PDZRN4: variants seen among roughly 807,000 people sequenced by gnomAD.
PDZRN4 encodes the protein PDZ domain containing ring finger 4, also known as PDZ domain-containing RING finger protein 4.
A neutral mutation model predicts 99.0 loss-of-function variants in PDZRN4; 70 were observed. That is an observed-to-expected ratio of 0.71 (90% CI 0.58 to 0.86). The LOEUF is 0.86. Among genes scored for constraint, PDZRN4 ranks in the 40% least tolerant of loss-of-function variants. The probability of loss-of-function intolerance (pLI) is 0.00; values close to 1 mark genes in which losing one functional copy is unlikely to be tolerated. For missense variants in PDZRN4, 1,474 were observed against 1,331.2 expected (o/e 1.11, Z -1.67); for synonymous variants, 551 against 501.6 (o/e 1.10, Z -1.32).
At chr12:41,262,339 T>G (rs1452541196) in intron 3 of PDZRN4, among the ~76,000 whole-genome samples, 1 of 152,188 alleles carries the variant, frequency 6.6e-6, no homozygotes, top group South Asian at 2.1e-4. Flanking sequence ...TTGTCTGATG[T>G]GTTATCATAC....
chr12:41,351,777 G>A (rs1217296783), intron 3 of PDZRN4, among the ~76,000 whole-genome samples: 1 of 151,982 alleles, frequency 6.6e-6, no homozygotes, highest in Non-Finnish European at 1.5e-5. Flanking sequence ...AAGAGAATAA[G>A]GCTAAGGACA....
intron 6 of PDZRN4, among the ~76,000 whole-genome samples, chr12:41,555,241 A>AAAAAAAAAAGAAAAG (rs1939135516): frequency 8.3e-6 from 1 of 119,978 alleles, no homozygotes; most frequent in Non-Finnish European, 1.6e-5. Flanking sequence ...AAAAAAAAAA[A>AAAAAAAAAAGAAAAG]AAAAAAAAGA....
chr12:41,508,139 A>G (rs917718759), intron 4 of PDZRN4, among the ~76,000 whole-genome samples: 2 of 152,076 alleles, frequency 1.3e-5, no homozygotes, highest in Non-Finnish European at 2.9e-5. Context: ...TCAACATTCT[A>G]TGTCTAAGAT....
intron 2 of PDZRN4, among the ~76,000 whole-genome samples, chr12:41,193,762 A>C (rs1950751903): frequency 6.6e-6 from 1 of 152,156 alleles, no homozygotes; most frequent in South Asian, 2.1e-4. Flanking sequence ...CTCTCTTTAG[A>C]AGTGAGATGT....
chr12:41,189,222 A>C (rs1950719450), intron 1 of PDZRN4, 119 bp downstream of exon 1: 1 of 873,080 alleles, frequency 1.1e-6, no homozygotes. Flanking sequence ...ATGCAGCAGG[A>C]AACATCCACA....
chr12:41,382,197 T>C (rs909978579), intron 3 of PDZRN4, among the ~76,000 whole-genome samples: 2 of 152,186 alleles, frequency 1.3e-5, no homozygotes, highest in Non-Finnish European at 1.5e-5. Flanking sequence ...GGCCCCAGGA[T>C]GTGCTCCCCA....
chr12:41,190,959 A>C (rs1950732140), intron 1 of PDZRN4, among the ~76,000 whole-genome samples: 1 of 152,236 alleles, frequency 6.6e-6, no homozygotes, highest in African/African-American at 2.4e-5. Context: ...ACAGTAGCCT[A>C]ACAGATCCTG....
At chr12:41,353,206 C>G (rs569671157) in intron 3 of PDZRN4, among the ~76,000 whole-genome samples, 1 of 152,144 alleles carries the variant, frequency 6.6e-6, no homozygotes, top group South Asian at 2.1e-4. Context: ...CTTGCAATGA[C>G]TGAATGCACC....
At chr12:41,365,370 T>C (rs1377286175) in intron 3 of PDZRN4, among the ~76,000 whole-genome samples, 1 of 151,968 alleles carries the variant, frequency 6.6e-6, no homozygotes, top group South Asian at 2.1e-4. Context: ...TAATGTGTGT[T>C]TTTTTTTAAA....
intron 3 of PDZRN4, among the ~76,000 whole-genome samples, chr12:41,214,868 T>C (rs1203803648): frequency 1.3e-5 from 2 of 152,088 alleles, no homozygotes; most frequent in African/African-American, 4.8e-5. Flanking sequence ...TGCTATATAA[T>C]GTATCTGTTT....
At chr12:41,309,162 C>T (rs1268301283) in intron 3 of PDZRN4, among the ~76,000 whole-genome samples, 1 of 152,114 alleles carries the variant, frequency 6.6e-6, no homozygotes, top group Non-Finnish European at 1.5e-5. Context: ...CTAAGTACCA[C>T]AAGAAACCTA....
chr12:41,271,048 T>A (rs1313446997), intron 3 of PDZRN4, among the ~76,000 whole-genome samples: 1 of 152,132 alleles, frequency 6.6e-6, no homozygotes, highest in Admixed American at 6.6e-5. Context: ...TCTACTTGAC[T>A]TATATAATTT....
chr12:41,203,169 C>T (rs895995118), intron 3 of PDZRN4, among the ~76,000 whole-genome samples: 2 of 151,458 alleles, frequency 1.3e-5, no homozygotes, highest in Non-Finnish European at 2.9e-5. Context: ...ATTGGAAGTA[C>T]CTTAAAGAGC....
intron 3 of PDZRN4, among the ~76,000 whole-genome samples, chr12:41,471,472 A>G (rs928483017): frequency 6.6e-6 from 1 of 151,442 alleles, no homozygotes; most frequent in Non-Finnish European, 1.5e-5. Context: ...GATTCTATCT[A>G]TTGGTTTGCC....
intron 5 of PDZRN4, among the ~76,000 whole-genome samples, chr12:41,546,163 T>C (rs1938947386): frequency 6.6e-6 from 1 of 152,192 alleles, no homozygotes; most frequent in Non-Finnish European, 1.5e-5. Context: ...CGTCATGGTG[T>C]GCATCCCCTC....
At chr12:41,474,655 G>A (rs1312993344) in intron 3 of PDZRN4, among the ~76,000 whole-genome samples, 1 of 152,124 alleles carries the variant, frequency 6.6e-6, no homozygotes, top group African/African-American at 2.4e-5. Flanking sequence ...TATGCAAAGT[G>A]GCTTGCAAGC....
intron 3 of PDZRN4, among the ~76,000 whole-genome samples, chr12:41,491,034 G>T (rs1473521123): frequency 1.3e-5 from 2 of 152,072 alleles, no homozygotes; most frequent in Non-Finnish European, 2.9e-5. Flanking sequence ...GGCTCTCTGA[G>T]GGTTCCCTAC....
chr12:41,322,191 C>A (rs1951683197), intron 3 of PDZRN4, among the ~76,000 whole-genome samples: 1 of 151,932 alleles, frequency 6.6e-6, no homozygotes, highest in African/African-American at 2.4e-5. Flanking sequence ...GCCACCACAC[C>A]CAGCTATTTT....
At chr12:41,558,816 C>A (rs1939214357) in intron 7 of PDZRN4, among the ~76,000 whole-genome samples, 1 of 152,134 alleles carries the variant, frequency 6.6e-6, no homozygotes, top group African/African-American at 2.4e-5. Context: ...AACAAAGAGT[C>A]TTAAGGGTGA....
Sources: allele counts gnomAD v4.1 joint callset (sites outside exome capture counted in the v4.1 genomes callset), GRCh38; gene constraint gnomAD v4.1.1; transcripts MANE v1.5; gene names NCBI Gene and HGNC (gene_info 2026-07-23, HGNC 2026-07-21).